HUNK: variants seen among roughly 807,000 people sequenced by gnomAD.
HUNK encodes the protein hormonally up-regulated Neu-associated kinase, also known as hormonally up-regulated neu tumor-associated kinase.
In HUNK, 21 loss-of-function variants were observed where a neutral mutation model predicts 61.0. The observed-to-expected ratio is 0.34, with a 90% confidence interval of 0.24 to 0.50. The LOEUF (loss-of-function observed/expected upper bound fraction) is 0.50. HUNK is among the 20% of genes least tolerant of loss of function. The pLI is 0.98. For missense variants in HUNK, 772 were observed against 945.7 expected (o/e 0.82, Z 2.41); for synonymous variants, 371 against 386.1 (o/e 0.96, Z 0.46).
intron 2 of HUNK, among the ~76,000 whole-genome samples, chr21:31,938,154 C>T (rs2052744282): frequency 6.6e-6 from 1 of 152,160 alleles, no homozygotes; most frequent in South Asian, 2.1e-4. Flanking sequence ...TAGTCCTGCC[C>T]TTCCTGTGAC....
intron 1 of HUNK, among the ~76,000 whole-genome samples, chr21:31,888,834 G>A (rs1426791068): frequency 3.3e-5 from 5 of 151,774 alleles, no homozygotes; most frequent in African/African-American, 4.8e-5. Context: ...ATATATAAAT[G>A]CATATACACA....
Position 31,946,130 on chromosome 21 carries a change from C to T in HUNK, c.705C>T (p.Leu235=), listed in dbSNP as rs1437617952. ...CTGCCTACGCTGCACCTGAACTGCT[C>T]GCCAGGAAGAAATACGGCCCCAAAA... ...GSPAYAAPEL[L]ARKKYGPKID... Residue 235 remains leucine (L), a synonymous_variant, in exon 4 of 11, where the codon CTC becomes CTT. Transcript: ENST00000270112. 10 of 1,613,088 alleles carry T rather than the reference C, an allele frequency of 6.2e-6. No homozygotes were observed. The highest frequency in any genetic ancestry group is 2.2e-5 in the East Asian group (1 of 44,834).
chr21:31,974,817 T>C (rs2053037511), intron 7 of HUNK, 100 bp downstream of exon 7: 2 of 1,148,740 alleles, frequency 1.7e-6, no homozygotes, highest in Non-Finnish European at 2.4e-6. Flanking sequence ...TCCAAGCTGC[T>C]AATTTAATCT....
intron 2 of HUNK, among the ~76,000 whole-genome samples, chr21:31,934,919 C>T (rs1230958271): frequency 6.6e-6 from 1 of 152,120 alleles, no homozygotes; most frequent in Non-Finnish European, 1.5e-5. Flanking sequence ...TTGATAGGCA[C>T]CTAGTTTGGT....
intron 1 of HUNK, among the ~76,000 whole-genome samples, chr21:31,879,123 A>G (rs1022517765): frequency 6.6e-6 from 1 of 152,260 alleles, no homozygotes; most frequent in Admixed American, 6.5e-5. Flanking sequence ...AGAGCAAGAA[A>G]TATGACTAAT....
At chr21:31,976,459 CTTTTTTTT>C (rs34950116) in intron 7 of HUNK, among the ~76,000 whole-genome samples, 1 of 63,610 alleles carries the variant, frequency 1.6e-5, no homozygotes, top group Non-Finnish European at 2.8e-5. Context: ...TTTTTTGAGA[CTTTTTTTT>C]TTTTTTTTTT....
At chr21:31,965,844 C>T (rs2052962489) in intron 5 of HUNK, among the ~76,000 whole-genome samples, 1 of 152,058 alleles carries the variant, frequency 6.6e-6, no homozygotes, top group Admixed American at 6.6e-5. Flanking sequence ...TCAGGTGATC[C>T]ACTCACCTCG....
intron 1 of HUNK, among the ~76,000 whole-genome samples, chr21:31,905,863 T>C (rs554195729): frequency 3.3e-4 from 50 of 152,330 alleles, no homozygotes; most frequent in Non-Finnish European, 4.9e-4. Flanking sequence ...TCTCATAGCA[T>C]AGAGAAGCCA....
Position 31,968,347 on chromosome 21 carries a change from C to T in HUNK, c.972C>T (p.Tyr324=), listed in dbSNP as rs1278485469. 3.1e-6 allele frequency: 5 copies of T among 1,614,228 alleles called. No homozygotes were observed. The highest frequency in any genetic ancestry group is 4.2e-6 in the Non-Finnish European group (5 of 1,180,034). The change falls in exon 6 of 11, where the codon TAC becomes TAT. Residue 324 remains tyrosine (Y), a synonymous_variant. Transcript: ENST00000270112. ...ALANRWLNEN[Y]TGKVPCNVTY... is the part of the protein sequence containing the mutation. ...CGAATCGCTGGCTTAATGAGAATTA[C>T]ACGGGCAAAGTGCCCTGTAATGTCA... is the stretch of plus-strand genomic sequence containing the variant.
At chr21:31,992,372 C>T (rs1042222387) in intron 9 of HUNK, among the ~76,000 whole-genome samples, 5 of 152,204 alleles carry the variant, frequency 3.3e-5, no homozygotes, top group Non-Finnish European at 2.9e-5. Flanking sequence ...CATGGGGCTG[C>T]GTTTTCAAAA....
At chr21:31,905,177 G>A (rs188265562) in intron 1 of HUNK, among the ~76,000 whole-genome samples, 13 of 152,168 alleles carry the variant, frequency 8.5e-5, no homozygotes, top group Non-Finnish European at 1.9e-4. Flanking sequence ...ATTTGGACAC[G>A]GACACATAGG....
intron 6 of HUNK, among the ~76,000 whole-genome samples, chr21:31,971,800 T>TA (rs2053012734): frequency 1.0e-4 from 9 of 89,224 alleles, no homozygotes; most frequent in Admixed American, 6.5e-4. Flanking sequence ...GTTTGCTAGG[T>TA]GCCAGCTCCC....
At chr21:31,892,176 TATATAGAGAGAG>T (rs1445258153) in intron 1 of HUNK, among the ~76,000 whole-genome samples, 188 of 116,446 alleles carry the variant, frequency 1.6e-3, no homozygotes, top group African/African-American at 4.7e-3. Context: ...TATATATATA[TATATAGAGAGAG>T]AGAGAGAGAG....
chr21:31,958,778 TGTCCCCA>T (rs1287030207), intron 4 of HUNK, 58 bp from the exon 5 acceptor site: 11 of 1,461,500 alleles, frequency 7.5e-6, no homozygotes, highest in Non-Finnish European at 1.0e-5. Context: ...GTGAAGCCCG[TGTCCCCA>T]GTCTTCCCCT....
At chr21:31,957,218 C>T (rs1437653817) in intron 4 of HUNK, among the ~76,000 whole-genome samples, 2 of 152,162 alleles carry the variant, frequency 1.3e-5, no homozygotes, top group African/African-American at 2.4e-5. Flanking sequence ...TGTCTTCTTC[C>T]CCACTCAAAA....
Position 31,968,321 on chromosome 21 carries a change from G to A in HUNK, c.946G>A (p.Ala316Thr). Residue 316 changes from alanine (A) to threonine (T), a missense_variant, in exon 6 of 11, where the codon GCG (alanine) becomes ACG (threonine). By Grantham distance (58) the Ala-to-Thr change is moderately conservative. Coordinates refer to ENST00000270112, the MANE Select transcript of HUNK (RefSeq NM_014586.2). ...GAGGCCAAATATTCAGCAGGCACTG[G>A]CGAATCGCTGGCTTAATGAGAATTA... ...VKRPNIQQALANRWLNENYTG... is the reference protein window; with the variant it reads ...VKRPNIQQALTNRWLNENYTG... The A allele has an allele frequency of 6.2e-7, 1 of 1,614,204 alleles. No individual in the cohort carries two copies. Among genetic ancestry groups the A allele is most frequent in the Non-Finnish European group, 8.5e-7 (1 of 1,180,026 alleles).
chr21:31,997,611 T>C (rs1213425767), intron 10 of HUNK, among the ~76,000 whole-genome samples: 1 of 152,182 alleles, frequency 6.6e-6, no homozygotes, highest in African/African-American at 2.4e-5. Flanking sequence ...GGGTGTTAGA[T>C]TTGCAACAGG....
chr21:31,998,939 G>A lies in HUNK; in HGVS notation c.1900G>A (p.Glu634Lys). The A allele has an allele frequency of 1.2e-6, 2 of 1,614,230 alleles. No individual in the cohort carries two copies. The highest frequency in any genetic ancestry group is 8.5e-7 in the Non-Finnish European group (1 of 1,180,044). ...HEDKNSPPKE[E>K]GLCCPPPVPS... Reference sequence around the variant, plus strand: ...AGATAAGAACAGCCCCCCAAAAGAGGAGGGCCTGTGTTGCCCACCTCCGGT... The same window carrying A: ...AGATAAGAACAGCCCCCCAAAAGAGAAGGGCCTGTGTTGCCCACCTCCGGT... The change falls in exon 11 of 11, where the codon GAG becomes AAG. Residue 634 changes from glutamate to lysine, a missense_variant. Glu to Lys is a moderately conservative substitution (Grantham distance 56). Around this residue, in one of 2 missense-constraint regions of HUNK, gnomAD observed 413 missense variants for 444.4 expected, o/e 0.93. Transcript: ENST00000270112.
Position 31,924,835 on chromosome 21 carries a change from C to A in HUNK, c.554+75C>A. 1 of 1,278,452 alleles carries A rather than the reference C, an allele frequency of 7.8e-7. No homozygotes were observed. Among genetic ancestry groups the A allele is most frequent in the Non-Finnish European group, 1.1e-6 (1 of 925,878 alleles). 79.2% of individuals were successfully genotyped at this position (1,278,452 alleles called of 1,614,324 possible). On this transcript the variant is annotated intron_variant, in intron 2 of 10. Transcript: ENST00000270112. This position sits in a 1 kb window ranked among gnomAD's most constrained non-coding sequence, Gnocchi z 5.1. ...GCACTGGGCTGTGGCACCCTCTGAGCCTCTGAGAAAGGCTGAGCAATTGCA... is the reference window on the plus strand; with the variant it reads ...GCACTGGGCTGTGGCACCCTCTGAGACTCTGAGAAAGGCTGAGCAATTGCA...
Sources: gnomAD v4.1 joint callset for allele counts (sites outside exome capture counted in the v4.1 genomes callset) on GRCh38, gnomAD v4.1.1 for gene constraint, gnomAD v4.1.1 regional missense constraint, Gnocchi (gnomAD v3.1) non-coding constraint, MANE v1.5 for transcripts, NCBI Gene and HGNC (gene_info 2026-07-23, HGNC 2026-07-21) for gene names.